MYH9: variants seen among roughly 807,000 people sequenced by gnomAD.
The protein encoded by MYH9 is myosin heavy chain 9.
Under a neutral mutation model 241.9 loss-of-function variants are expected in MYH9, and 29 were observed. That is an observed-to-expected ratio of 0.12 (90% confidence interval 0.09 to 0.16). The LOEUF is 0.16. Ranked by LOEUF, MYH9 falls within the 10% of genes least tolerant of loss-of-function variation. The pLI, the probability that MYH9 is intolerant of heterozygous loss-of-function variation, is 1.00. For missense variants in MYH9, 1,803 were observed against 2,595.5 expected (o/e 0.69, Z 6.63); for synonymous variants, 1,047 against 1,062.6 (o/e 0.99, Z 0.29).
rs920078886 is a variant in MYH9, at chr22:36,288,809, T to C, written c.4688A>G (p.Gln1563Arg). ...CCGCTCGAACTGGGCCTTCATGGCC[T>C]GCAGGTTGACCTCCAACCGCAGCTT... ...DAKLRLEVNL[Q>R]AMKAQFERDL... The change falls in exon 33 of 41, where the codon CAG becomes CGG. Residue 1563 changes from glutamine to arginine, a missense_variant. This residue lies in a region of MYH9 where 876 missense variants were observed against 1,077.8 expected (regional missense o/e 0.81). Coordinates refer to ENST00000216181, the MANE Select transcript of MYH9 (RefSeq NM_002473.6). The surrounding 1 kb of genome is among the most constrained non-coding windows in gnomAD (Gnocchi z 4.8). 1 of 1,613,292 alleles carries C rather than the reference T, an allele frequency of 6.2e-7. No homozygotes were observed. The highest frequency in any genetic ancestry group is 8.5e-7 in the Non-Finnish European group (1 of 1,179,990).
chr22:36,366,783 G>C (rs1018896328), intron 1 of MYH9, among the ~76,000 whole-genome samples: 3 of 152,104 alleles, frequency 2.0e-5, no homozygotes, highest in Non-Finnish European at 4.4e-5. Flanking sequence ...AATACAAGAA[G>C]GATCATCAGG....
chr22:36,304,623 G>A (rs1410235894), intron 18 of MYH9, among the ~76,000 whole-genome samples: 2 of 152,218 alleles, frequency 1.3e-5, no homozygotes, highest in Non-Finnish European at 2.9e-5. Flanking sequence ...CTGCGCTAGG[G>A]CTGGGAGTGG....
At position 36,285,925 on chromosome 22, in the gene MYH9, C is replaced by T. The variant is rs746191750; in HGVS notation, c.5090G>A (p.Arg1697His). Reference protein sequence around the residue: ...EELAAAERAKRQAQQERDELA... With the variant: ...EELAAAERAKHQAQQERDELA... Reference sequence around the variant, plus strand: ...CTCATCCCGCTCCTGCTGGGCCTGGCGCTTGGCACGCTCCGCGGCTGCCAG... The same window carrying T: ...CTCATCCCGCTCCTGCTGGGCCTGGTGCTTGGCACGCTCCGCGGCTGCCAG... Residue 1697 changes from arginine to histidine, a missense_variant, in exon 36 of 41, where the codon CGC becomes CAC. Coordinates refer to ENST00000216181, the MANE Select transcript of MYH9 (RefSeq NM_002473.6). The surrounding 1 kb of genome is among the most constrained non-coding windows in gnomAD (Gnocchi z 7.0). The T allele has an allele frequency of 7.4e-6, 12 of 1,612,068 alleles. No homozygotes were observed. The highest frequency in any genetic ancestry group is 1.1e-5 in the South Asian group (1 of 91,074).
chr22:36,305,203 A>T lies in MYH9; in HGVS notation c.2160-101T>A. ...TAACATCATTTCTACAATGCAACAG[A>T]CACAGAATTCTTTACACAAACTCTC... On this transcript the variant is annotated intron_variant, in intron 17 of 40. Coordinates refer to ENST00000216181, the MANE Select transcript of MYH9 (RefSeq NM_002473.6). This position sits in a 1 kb window ranked among gnomAD's most constrained non-coding sequence, Gnocchi z 4.7. 2 of 1,053,460 alleles carry T rather than the reference A, an allele frequency of 1.9e-6. No homozygotes were observed. Among genetic ancestry groups the T allele is most frequent in the Non-Finnish European group, 2.9e-6 (2 of 683,390 alleles). The allele number at this position is 1,053,460 out of a possible 1,614,324, so 65.3% of individuals were successfully genotyped here.
Position 36,320,395 on chromosome 22 carries a change from C to T in MYH9, c.869-32G>A, listed in dbSNP as rs1396170469. Reference sequence around the variant, plus strand: ...GGGGTGGAGGGCAAGGGCGCCTCAGCGAGGTGCTGAAAGTGGAGGCTCCAT... The same window carrying T: ...GGGGTGGAGGGCAAGGGCGCCTCAGTGAGGTGCTGAAAGTGGAGGCTCCAT... On this transcript the variant is annotated intron_variant, in intron 8 of 40. Coordinates refer to ENST00000216181, the MANE Select transcript of MYH9 (RefSeq NM_002473.6). This position sits in a 1 kb window ranked among gnomAD's most constrained non-coding sequence, Gnocchi z 4.8. 6.2e-6 allele frequency: 10 copies of T among 1,609,268 alleles called. No homozygotes were observed. Among genetic ancestry groups the T allele is most frequent in the African/African-American group, 1.3e-5 (1 of 74,912 alleles).
intron 31 of MYH9, among the ~76,000 whole-genome samples, chr22:36,291,363 T>G (rs1347412280): frequency 2.0e-5 from 3 of 152,218 alleles, no homozygotes; most frequent in Non-Finnish European, 2.9e-5. Flanking sequence ...GGGATCTTGT[T>G]GATCTGTGAC....
chr22:36,316,759 C>T (rs2017159297), intron 11 of MYH9, 90 bp from the exon 12 acceptor site: 3 of 1,519,256 alleles, frequency 2.0e-6, no homozygotes, highest in South Asian at 2.3e-5. Flanking sequence ...CTTTTAGAGT[C>T]CTCCCCCTAG....
chr22:36,357,582 C>T (rs374346470), intron 1 of MYH9, among the ~76,000 whole-genome samples: 2 of 152,150 alleles, frequency 1.3e-5, no homozygotes, highest in Admixed American at 1.3e-4. Flanking sequence ...CGGGGGAAGA[C>T]AAATCACACC....
intron 12 of MYH9, 135 bp from the exon 13 acceptor site, chr22:36,314,453 C>T (rs2017117583): frequency 9.2e-7 from 1 of 1,089,240 alleles, no homozygotes; most frequent in Admixed American, 2.0e-5. Flanking sequence ...GCCTTTAGAG[C>T]CCGGATGCTC....
intron 13 of MYH9, among the ~76,000 whole-genome samples, chr22:36,313,418 C>T (rs113211889): frequency 7.1e-6 from 1 of 141,552 alleles, no homozygotes; most frequent in African/African-American, 2.6e-5. Context: ...GGCCACTGCA[C>T]TCCAGCCTGG....
chr22:36,299,954 A>G (rs1284806111), intron 23 of MYH9, among the ~76,000 whole-genome samples, 173 bp downstream of exon 23: 2 of 152,186 alleles, frequency 1.3e-5, no homozygotes, highest in African/African-American at 2.4e-5. Context: ...AAATCCCTCA[A>G]CTAAGGCCCA....
rs998457014 is a variant in MYH9, at chr22:36,316,391, C to A, written c.1380+126G>T. The A allele has an allele frequency of 2.8e-6, 4 of 1,405,640 alleles. No individual in the cohort carries two copies. In the African/African-American group the frequency reaches 4.3e-5, roughly 15 times the overall value. The allele number at this position is 1,405,640 out of a possible 1,614,324, so 87.1% of individuals were successfully genotyped here. On this transcript the variant is annotated intron_variant, in intron 12 of 40. Transcript: ENST00000216181. ...AAACAACCCCACACCCAACCAAAGT[C>A]TTCATGCAAAGGAGATGGCCAACTC...
intron 1 of MYH9, among the ~76,000 whole-genome samples, chr22:36,375,489 T>C (rs748140435): frequency 6.6e-6 from 1 of 152,164 alleles, no homozygotes; most frequent in Non-Finnish European, 1.5e-5. Context: ...TCTCTGCCCA[T>C]TGAATGAATG....
chr22:36,367,558 C>A (rs1293536602), intron 1 of MYH9, among the ~76,000 whole-genome samples: 2 of 152,224 alleles, frequency 1.3e-5, no homozygotes, highest in African/African-American at 4.8e-5. Flanking sequence ...GAAAAATTAA[C>A]TTACCGCTCC....
chr22:36,381,194 T>C (rs922079636), intron 1 of MYH9, among the ~76,000 whole-genome samples: 3 of 152,074 alleles, frequency 2.0e-5, no homozygotes, highest in African/African-American at 7.2e-5. Flanking sequence ...TTAAGAAAAA[T>C]AAGAAATAGC....
chr22:36,288,242 C>A lies in MYH9; in HGVS notation c.4932+10G>T. On this transcript the variant is annotated intron_variant, in intron 34 of 40. Coordinates refer to ENST00000216181, the MANE Select transcript of MYH9 (RefSeq NM_002473.6). The surrounding 1 kb of genome is among the most constrained non-coding windows in gnomAD (Gnocchi z 4.8). ...CCGCCCACCCTCACCTGGGCCCCGC[C>A]CACCCTTACCTGCAGCTTCCGCAGC... is the stretch of plus-strand genomic sequence containing the variant. 1 of 1,613,636 alleles carries A rather than the reference C, an allele frequency of 6.2e-7. No homozygotes were observed. The highest frequency in any genetic ancestry group is 2.2e-5 in the East Asian group (1 of 44,888).
In MYH9 at chr22:36,379,820, C is replaced by T. The variant is rs542691984; in HGVS notation, c.-20+7987G>A. 5.9e-5 allele frequency among the ~76,000 whole-genome samples: 9 copies of T among 152,340 alleles called. No homozygotes were observed. In the South Asian group the frequency reaches 1.2e-3, roughly 21 times the overall value. ...ACTGAGGGACTCCCAGCTGCTCCAG[C>T]GCTTGGCGGGCTAGCTAAGGGCCTT... On this transcript the variant is annotated intron_variant, in intron 1 of 40. Transcript: ENST00000216181.
chr22:36,336,846 G>A (rs1006202812), intron 3 of MYH9, among the ~76,000 whole-genome samples: 1 of 152,208 alleles, frequency 6.6e-6, no homozygotes, highest in African/African-American at 2.4e-5. Context: ...ACAAATCTCT[G>A]TCTATAAACA....
rs144702191 is a variant in MYH9, at chr22:36,305,336, C to T, written c.2160-234G>A. Among the ~76,000 whole-genome samples, 1 of 152,218 alleles carries T rather than the reference C, an allele frequency of 6.6e-6. No individual in the cohort carries two copies. The highest frequency in any genetic ancestry group is 1.9e-4 in the East Asian group (1 of 5,184). On this transcript the variant is annotated intron_variant, in intron 17 of 40. Coordinates refer to ENST00000216181, the MANE Select transcript of MYH9 (RefSeq NM_002473.6). This position sits in a 1 kb window ranked among gnomAD's most constrained non-coding sequence, Gnocchi z 4.7. ...AAGTGAATGGAAACTCGTGTAGGAC[C>T]GTTTCAATCACTCAAGGGCGTGCTT...
Sources: gnomAD v4.1 joint callset for allele counts (sites outside exome capture counted in the v4.1 genomes callset) on GRCh38, gnomAD v4.1.1 for gene constraint, gnomAD v4.1.1 regional missense constraint, Gnocchi (gnomAD v3.1) non-coding constraint, MANE v1.5 for transcripts, NCBI Gene and HGNC (gene_info 2026-07-23, HGNC 2026-07-21) for gene names.